Variants in MKLN1 observed in about 807,000 individuals in gnomAD.
The protein encoded by MKLN1 is muskelin.
Under a neutral mutation model 99.0 loss-of-function variants are expected in MKLN1, and 18 were observed. That is an observed-to-expected ratio of 0.18 (90% confidence interval 0.13 to 0.27). The LOEUF (loss-of-function observed/expected upper bound fraction) is 0.27. MKLN1 is among the 10% of genes least tolerant of loss of function. The pLI, the probability that MKLN1 is intolerant of heterozygous loss-of-function variation, is 1.00. For missense variants in MKLN1, 621 were observed against 875.9 expected (o/e 0.71, Z 3.67); for synonymous variants, 288 against 293.2 (o/e 0.98, Z 0.18).
intron 3 of MKLN1, among the ~76,000 whole-genome samples, chr7:131,225,151 A>G (rs557793703): frequency 4.1e-4 from 62 of 152,130 alleles, no homozygotes; most frequent in African/African-American, 1.4e-3. Flanking sequence ...ATAAAATACC[A>G]TAGACTGGAT....
At chr7:131,370,027 G>A (rs1584661429) in intron 1 of MKLN1, among the ~76,000 whole-genome samples, 1 of 152,104 alleles carries the variant, frequency 6.6e-6, no homozygotes, top group Non-Finnish European at 1.5e-5. Context: ...TAGTATTAAC[G>A]GGGTTTCACC....
At chr7:131,243,181 G>A (rs906777572) in intron 3 of MKLN1, among the ~76,000 whole-genome samples, 1 of 152,150 alleles carries the variant, frequency 6.6e-6, no homozygotes, top group Non-Finnish European at 1.5e-5. Flanking sequence ...GTTGGTTTAC[G>A]TTGTCTGAAT....
chr7:131,278,736 G>T (rs1185407630), intron 3 of MKLN1, among the ~76,000 whole-genome samples: 1 of 151,424 alleles, frequency 6.6e-6, no homozygotes, highest in Non-Finnish European at 1.5e-5. Context: ...AGGACTACAG[G>T]CATGCACCAA....
At chr7:131,293,247 A>G (rs190258341) in intron 3 of MKLN1, among the ~76,000 whole-genome samples, 66 of 152,326 alleles carry the variant, frequency 4.3e-4, no homozygotes, top group Admixed American at 2.5e-3. Context: ...ACCAGCTCCT[A>G]GTCAACTTAC....
At chr7:131,115,929 A>G (rs1199579083) in intron 1 of MKLN1, among the ~76,000 whole-genome samples, 1 of 151,978 alleles carries the variant, frequency 6.6e-6, no homozygotes, top group African/African-American at 2.4e-5. Flanking sequence ...CTTTATTTCT[A>G]TTTGTTTTTA....
intron 1 of MKLN1, among the ~76,000 whole-genome samples, chr7:131,356,841 C>G (rs1799899328): frequency 6.6e-6 from 1 of 152,152 alleles, no homozygotes; most frequent in South Asian, 2.1e-4. Context: ...TCTGCCACAA[C>G]TTCAGTTCTT....
intron 3 of MKLN1, among the ~76,000 whole-genome samples, chr7:131,309,126 C>T (rs1355807044): frequency 6.6e-6 from 1 of 152,186 alleles, no homozygotes; most frequent in Non-Finnish European, 1.5e-5. Flanking sequence ...CCCTGTGTAT[C>T]TTACAATAAA....
intron 3 of MKLN1, among the ~76,000 whole-genome samples, chr7:131,227,481 TTCTC>T (rs1296196790): frequency 3.4e-4 from 49 of 145,960 alleles, no homozygotes; most frequent in African/African-American, 1.1e-3. Context: ...CTTTCTCTCT[TTCTC>T]TCTTTCTTTC....
chr7:131,324,048 C>T (rs1434835372), upstream of MKLN1, among the ~76,000 whole-genome samples: 13 of 152,074 alleles, frequency 8.5e-5, no homozygotes, highest in Admixed American at 8.5e-4. Context: ...TGCTGTGAGA[C>T]AGAGGTGAAA....
chr7:131,373,036 AAC>A (rs1479678713), intron 1 of MKLN1, among the ~76,000 whole-genome samples: 1 of 151,958 alleles, frequency 6.6e-6, no homozygotes, highest in Non-Finnish European at 1.5e-5. Context: ...CTGGGACTCA[AAC>A]ACAGTCATTG....
intron 2 of MKLN1, among the ~76,000 whole-genome samples, chr7:131,157,993 G>A (rs1795993532): frequency 1.3e-5 from 2 of 152,136 alleles, no homozygotes; most frequent in Admixed American, 1.3e-4. Context: ...CGTCCACTGT[G>A]GCCACCTGCC....
At chr7:131,337,977 T>C (rs998476445) in intron 1 of MKLN1, among the ~76,000 whole-genome samples, 1 of 152,196 alleles carries the variant, frequency 6.6e-6, no homozygotes, top group African/African-American at 2.4e-5. Flanking sequence ...TCACTGCAAC[T>C]GTCAAGGACT....
At chr7:131,419,736 C>T (rs1165715696) in intron 8 of MKLN1, among the ~76,000 whole-genome samples, 1 of 151,868 alleles carries the variant, frequency 6.6e-6, no homozygotes, top group East Asian at 1.9e-4. Flanking sequence ...GTTGCTAGAT[C>T]AGAGGTATGT....
At position 131,265,505 on chromosome 7, in the gene MKLN1, C is replaced by T. The variant is rs145716221; in HGVS notation, c.-179+62531C>T. On this transcript the variant is annotated intron_variant, in intron 3 of 7. Transcript: ENST00000416992. ...AGGCTGGCATGCTTCCCTGATTCCC[C>T]GATGCCTACCAAATGCTATGTTCCA... 3.2e-3 allele frequency among the ~76,000 whole-genome samples: 481 copies of T among 152,254 alleles called. 3 individuals are homozygous for T. The highest frequency in any genetic ancestry group is 6.8e-3 in the Middle Eastern group (2 of 294).
chr7:131,442,955 C>G (rs1417168595), intron 10 of MKLN1, among the ~76,000 whole-genome samples: 1 of 152,178 alleles, frequency 6.6e-6, no homozygotes, highest in Non-Finnish European at 1.5e-5. Context: ...AGTCTGGAGA[C>G]TTGATTGTTG....
chr7:131,214,000 C>T (rs530751861), intron 3 of MKLN1, among the ~76,000 whole-genome samples: 4 of 152,056 alleles, frequency 2.6e-5, no homozygotes, highest in Admixed American at 2.6e-4. Flanking sequence ...TTCTTCCCTA[C>T]CCCAAAGGTG....
intron 2 of MKLN1, among the ~76,000 whole-genome samples, chr7:131,376,139 T>TATATATATATATA (rs1563318314): frequency 1.2e-4 from 1 of 8,342 alleles, no homozygotes; most frequent in Non-Finnish European, 2.6e-4. Flanking sequence ...TATATATGTA[T>TATATATATATATA]GATGTATGTA....
chr7:131,252,329 C>CTTTTCT (rs777410575), intron 3 of MKLN1, among the ~76,000 whole-genome samples: 1 of 118,532 alleles, frequency 8.4e-6, no homozygotes, highest in Non-Finnish European at 1.7e-5. Flanking sequence ...TTTTTCTTTT[C>CTTTTCT]TTTTTTTTTT....
rs944135217 is a variant in MKLN1 at position 131,488,860 on chromosome 7, A to T, written c.*1132A>T. 2.6e-5 allele frequency: 4 copies of T among 152,126 alleles called. No homozygotes were observed. The highest frequency in any genetic ancestry group is 5.9e-5 in the Non-Finnish European group (4 of 67,992). The allele number at this position is 152,126 out of a possible 1,614,324, so 9.4% of individuals were successfully genotyped here. ...TGAATGGTTCAGATATTTTTTCATTAAAAAACAAGGTATGGCAGATGGACT... is the reference window on the plus strand; with the variant it reads ...TGAATGGTTCAGATATTTTTTCATTTAAAAACAAGGTATGGCAGATGGACT... On this transcript the variant is annotated 3_prime_UTR_variant, in exon 18 of 18. Transcript: ENST00000352689.
Sources: allele counts gnomAD v4.1 joint callset (sites outside exome capture counted in the v4.1 genomes callset), GRCh38; gene constraint gnomAD v4.1.1; transcripts MANE v1.5; gene names NCBI Gene and HGNC (gene_info 2026-07-23, HGNC 2026-07-21).